The following RBFOX1 variants were observed in gnomAD, a reference collection of about 807,000 sequenced individuals.
RBFOX1 encodes the protein RNA binding protein fox-1 homolog 1.
In RBFOX1, 8 loss-of-function variants were observed where a neutral mutation model predicts 57.7. That is an observed-to-expected ratio of 0.14 (90% CI 0.08 to 0.25). The LOEUF (loss-of-function observed/expected upper bound fraction) is 0.25, where lower values mean the gene tolerates loss of function less well. RBFOX1 is among the 10% of genes least tolerant of loss of function. The probability of loss-of-function intolerance (pLI) is 1.00; values close to 1 mark genes in which losing one functional copy is unlikely to be tolerated. For synonymous variants in RBFOX1, 326 were observed against 222.4 expected, an observed-to-expected ratio of 1.47 and a Z score of -4.15; for missense variants, 611 against 548.5, an observed-to-expected ratio of 1.11 and a Z score of -1.14.
rs560078575 is a variant in RBFOX1, at chr16:6,521,464, T to G, written c.-63-133139T>G. ...CCCTCCCCTCCCGTCCCCTCTCCTC[T>G]CCTCTCTTCTCTTCCTCTCCCCTCT... On this transcript the variant is annotated intron_variant, in intron 2 of 15. Coordinates refer to ENST00000550418, the MANE Select transcript of RBFOX1 (RefSeq NM_018723.4). Among the ~76,000 whole-genome samples, 11 of 120,420 alleles carry G rather than the reference T, an allele frequency of 9.1e-5. No individual in the cohort carries two copies. In the South Asian group the frequency reaches 3.6e-3, roughly 40 times the overall value. The allele number at this position is 120,420 out of a possible 152,430, so 79.0% of individuals were successfully genotyped here.
At chr16:5,780,586 A>C (rs1567532457) in intron 3 of RBFOX1, among the ~76,000 whole-genome samples, 1 of 152,206 alleles carries the variant, frequency 6.6e-6, no homozygotes, top group East Asian at 1.9e-4. Context: ...CACAGTCCTA[A>C]TATTCACAAT....
intron 2 of RBFOX1, among the ~76,000 whole-genome samples, chr16:6,638,805 C>A (rs139915065): frequency 6.6e-6 from 1 of 152,094 alleles, no homozygotes; most frequent in African/African-American, 2.4e-5. Flanking sequence ...TGGGTGATGG[C>A]CACCATTTTG....
chr16:7,459,232 A>T (rs925351467), intron 4 of RBFOX1, among the ~76,000 whole-genome samples: 6 of 152,148 alleles, frequency 3.9e-5, no homozygotes, highest in Admixed American at 1.3e-4. Flanking sequence ...ATCAGTAGTA[A>T]TCTCTACTTT....
rs560308351 is a variant in RBFOX1, at chr16:6,608,778, AAAC to A, written c.-63-45822_-63-45820del. Among the ~76,000 whole-genome samples the A allele has an allele frequency of 2.6e-4, 40 of 152,356 alleles. No homozygotes were observed. The South Asian group carries it at 8.3e-3, about 32-fold the overall frequency. The stretch of plus-strand genomic sequence containing the variant: ...CAGAGCAAGAGCTTGTCTCAAAAAC[AAAC>A]AAAAACAGAAGTTGGTCATCTCATA... On this transcript the variant is annotated intron_variant, in intron 2 of 15. Transcript: ENST00000550418.
At chr16:7,383,491 C>T (rs2097821097) in intron 4 of RBFOX1, among the ~76,000 whole-genome samples, 1 of 152,044 alleles carries the variant, frequency 6.6e-6, no homozygotes, top group South Asian at 2.1e-4. Flanking sequence ...AAGGTGCCAG[C>T]TGAATTAATG....
chr16:5,832,890 G>GT (rs1388666301), intron 3 of RBFOX1, among the ~76,000 whole-genome samples: 7 of 151,614 alleles, frequency 4.6e-5, no homozygotes, highest in Non-Finnish European at 1.0e-4. Context: ...AAGGTTAAAG[G>GT]GTCCTCAGAG....
chr16:6,000,406 C>A (rs972300732), intron 4 of RBFOX1, among the ~76,000 whole-genome samples: 1 of 152,048 alleles, frequency 6.6e-6, no homozygotes, highest in African/African-American at 2.4e-5. Flanking sequence ...ACTGTGGGGG[C>A]GTTTCCTTTG....
chr16:7,099,436 C>T lies in RBFOX1; in HGVS notation c.27+47338C>T, dbSNP rs145588500. ...GGGGAATGGGATGAAATAATAGAACCATATTTAGTGTCTAGCTGAGTGGTT... is the reference window on the plus strand; with the variant it reads ...GGGGAATGGGATGAAATAATAGAACTATATTTAGTGTCTAGCTGAGTGGTT... On this transcript the variant is annotated intron_variant, in intron 4 of 15. Transcript: ENST00000550418. 3.3e-3 allele frequency among the ~76,000 whole-genome samples: 502 copies of T among 152,170 alleles called. 5 individuals are homozygous for T. The highest frequency in any genetic ancestry group is 0.031 in the Middle Eastern group (9 of 292).
intron 1 of RBFOX1, among the ~76,000 whole-genome samples, chr16:5,440,726 T>G (rs1326395717): frequency 6.6e-6 from 1 of 152,166 alleles, no homozygotes; most frequent in Non-Finnish European, 1.5e-5. Context: ...TTTACAAGAT[T>G]TAGCTGGGCA....
chr16:5,979,948 G>C (rs943352133), intron 4 of RBFOX1, among the ~76,000 whole-genome samples: 2 of 152,300 alleles, frequency 1.3e-5, no homozygotes, highest in Admixed American at 1.3e-4. Context: ...ACGTGGCAGA[G>C]CTGGGATTTG....
At chr16:7,640,153 C>A (rs953310680) in intron 11 of RBFOX1, among the ~76,000 whole-genome samples, 15 of 152,190 alleles carry the variant, frequency 9.9e-5, no homozygotes, top group South Asian at 2.1e-4. Flanking sequence ...AACCACTACC[C>A]CCAACTTCTT....
chr16:6,756,721 C>G (rs1347594507), intron 3 of RBFOX1, among the ~76,000 whole-genome samples: 1 of 152,090 alleles, frequency 6.6e-6, no homozygotes, highest in East Asian at 1.9e-4. Flanking sequence ...CCTGTAATCC[C>G]AACACTTTGG....
At chr16:5,933,373 C>T (rs528971286) in intron 4 of RBFOX1, among the ~76,000 whole-genome samples, 2 of 152,226 alleles carry the variant, frequency 1.3e-5, no homozygotes, top group Admixed American at 6.5e-5. Flanking sequence ...GGGGAGTGTT[C>T]GTGTGTTCTT....
intron 2 of RBFOX1, among the ~76,000 whole-genome samples, chr16:6,612,149 A>G (rs1011334078): frequency 6.6e-6 from 1 of 152,124 alleles, no homozygotes; most frequent in African/African-American, 2.4e-5. Flanking sequence ...GAATTTGCTC[A>G]TCTTTTATTT....
At chr16:7,681,313 C>G (rs190540259) in intron 14 of RBFOX1, among the ~76,000 whole-genome samples, 2 of 152,214 alleles carry the variant, frequency 1.3e-5, no homozygotes, top group African/African-American at 4.8e-5. Flanking sequence ...AAGGAAGGGA[C>G]CATCTTTCTG....
chr16:5,737,382 A>T (rs1445339268), intron 3 of RBFOX1, among the ~76,000 whole-genome samples: 1 of 152,092 alleles, frequency 6.6e-6, no homozygotes, highest in Non-Finnish European at 1.5e-5. Context: ...CTACTTTGGA[A>T]GGCTGAGGCA....
At chr16:6,460,319 A>C (rs909515860) in intron 2 of RBFOX1, among the ~76,000 whole-genome samples, 1 of 152,088 alleles carries the variant, frequency 6.6e-6, no homozygotes, top group African/African-American at 2.4e-5. Flanking sequence ...TGGACAACCT[A>C]TAGGATGAGA....
intron 2 of RBFOX1, among the ~76,000 whole-genome samples, chr16:6,427,993 T>C (rs2093977868): frequency 6.6e-6 from 1 of 152,032 alleles, no homozygotes; most frequent in Non-Finnish European, 1.5e-5. Context: ...GAAATGTGTT[T>C]GATGAGAGGC....
rs538915025 is a variant in RBFOX1, at chr16:5,800,796, C to T, written c.319-66507C>T. ...CTAAGCAAGGAAGACGTCCTAGTGC[C>T]ATTGGATCCCTTTTCTGGGGCAAAT... is the stretch of plus-strand genomic sequence containing the variant. On this transcript the variant is annotated intron_variant, in intron 3 of 19. Coordinates refer to the RBFOX1 transcript ENST00000641259. 1.8e-4 allele frequency among the ~76,000 whole-genome samples: 27 copies of T among 152,244 alleles called. 1 individual carries two copies. In the South Asian group the frequency reaches 5.4e-3, roughly 30 times the overall value.
Sources: allele counts gnomAD v4.1 joint callset (sites outside exome capture counted in the v4.1 genomes callset), GRCh38; gene constraint gnomAD v4.1.1; transcripts MANE v1.5; gene names NCBI Gene and HGNC (gene_info 2026-07-23, HGNC 2026-07-21).